The following GRM8 variants were observed in gnomAD, a reference collection of about 807,000 sequenced individuals.
The protein encoded by GRM8 is metabotropic glutamate receptor 8.
In GRM8, 47 loss-of-function variants were observed where a neutral mutation model predicts 87.2. The ratio of observed to expected loss-of-function variants is 0.54; its 90% confidence interval spans 0.43 to 0.69. GRM8 has a LOEUF of 0.69. Ranked by LOEUF, GRM8 falls within the 30% of genes least tolerant of loss-of-function variation. The pLI is 0.00. For missense variants in GRM8, 1,019 were observed against 1,139.2 expected, an observed-to-expected ratio of 0.89 and a Z score of 1.52; for synonymous variants, 396 against 404.5, an observed-to-expected ratio of 0.98 and a Z score of 0.25.
intron 10 of GRM8, among the ~76,000 whole-genome samples, chr7:126,439,784 G>T (rs906300750): frequency 1.3e-5 from 2 of 149,212 alleles, no homozygotes; most frequent in Non-Finnish European, 3.0e-5. Context: ...TATGGAGATG[G>T]AAGTGATATT....
chr7:126,781,658 T>C (rs1339111063), intron 6 of GRM8, among the ~76,000 whole-genome samples: 1 of 152,198 alleles, frequency 6.6e-6, no homozygotes, highest in Non-Finnish European at 1.5e-5. Flanking sequence ...CTGTAATTAA[T>C]AGAAATGCTT....
chr7:126,838,620 A>G (rs1796009082), intron 6 of GRM8, among the ~76,000 whole-genome samples: 1 of 152,218 alleles, frequency 6.6e-6, no homozygotes, highest in Non-Finnish European at 1.5e-5. Flanking sequence ...TATTAATGCT[A>G]AGAAGCACTG....
intron 6 of GRM8, among the ~76,000 whole-genome samples, chr7:126,803,701 C>T (rs1259513055): frequency 6.6e-6 from 1 of 152,150 alleles, no homozygotes; most frequent in Non-Finnish European, 1.5e-5. Flanking sequence ...TATCTCTAAG[C>T]AAGGGTGCTG....
At position 126,438,869 on chromosome 7, in the gene GRM8, T is replaced by C; in HGVS notation, c.*250A>G. On this transcript the variant is annotated 3_prime_UTR_variant, in exon 11 of 11. Coordinates refer to ENST00000339582, the MANE Select transcript of GRM8 (RefSeq NM_000845.3). ...CTAACATTAGTTTTCCTTTTGTGATTTGTTTTAACTGCTCATGAATAAGCA... is the reference window on the plus strand; with the variant it reads ...CTAACATTAGTTTTCCTTTTGTGATCTGTTTTAACTGCTCATGAATAAGCA... 2.7e-6 allele frequency: 1 copy of C among 372,132 alleles called. No homozygotes were observed. Among genetic ancestry groups the C allele is most frequent in the Non-Finnish European group, 4.8e-6 (1 of 206,366 alleles). The allele number at this position is 372,132 out of a possible 1,614,324, so 23.1% of individuals were successfully genotyped here. A position where few individuals can be genotyped will look rare whatever the true frequency, so the allele number is the denominator to read the frequency against.
chr7:127,095,559 G>T (rs1298553516), intron 3 of GRM8: 1 of 152,094 alleles, frequency 6.6e-6, no homozygotes, highest in African/African-American at 2.4e-5. Context: ...TACAAAGTTG[G>T]CATAATATTC....
intron 6 of GRM8, among the ~76,000 whole-genome samples, chr7:126,841,275 A>G (rs1187000626): frequency 6.6e-6 from 1 of 152,098 alleles, no homozygotes; most frequent in East Asian, 1.9e-4. Context: ...AGTCACTTGG[A>G]GGTATTCTGC....
intron 8 of GRM8, among the ~76,000 whole-genome samples, chr7:126,588,450 G>A (rs551904471): frequency 5.3e-5 from 8 of 152,240 alleles, no homozygotes; most frequent in African/African-American, 1.7e-4. Flanking sequence ...TCTCATTACT[G>A]GACATATGCC....
intron 3 of GRM8, among the ~76,000 whole-genome samples, chr7:127,042,112 A>G (rs954712533): frequency 4.6e-5 from 7 of 152,122 alleles, no homozygotes; most frequent in African/African-American, 1.7e-4. Flanking sequence ...CACAATTACC[A>G]TTCCTTCCCC....
chr7:127,107,095 C>T (rs897760876), intron 2 of GRM8, among the ~76,000 whole-genome samples: 1 of 152,164 alleles, frequency 6.6e-6, no homozygotes, highest in Non-Finnish European at 1.5e-5. Context: ...AAAAGGTCAC[C>T]TCTGAAACTG....
chr7:126,541,400 G>A (rs1445096254), intron 8 of GRM8, among the ~76,000 whole-genome samples: 1 of 152,234 alleles, frequency 6.6e-6, no homozygotes, highest in Admixed American at 6.5e-5. Flanking sequence ...GCAGTGGATG[G>A]AGTAGCAAGA....
intron 2 of GRM8, among the ~76,000 whole-genome samples, chr7:127,134,737 C>T (rs1178304438): frequency 1.3e-5 from 2 of 151,912 alleles, no homozygotes; most frequent in African/African-American, 4.8e-5. Flanking sequence ...TTCTTATATA[C>T]AAAAAAAGTT....
chr7:126,802,598 G>C (rs1041087371), intron 6 of GRM8, among the ~76,000 whole-genome samples: 2 of 152,198 alleles, frequency 1.3e-5, no homozygotes, highest in African/African-American at 4.8e-5. Flanking sequence ...ATTTTGATAA[G>C]TGGAATAAGT....
At chr7:126,679,750 C>T (rs951168165) in intron 7 of GRM8, among the ~76,000 whole-genome samples, 2 of 152,120 alleles carry the variant, frequency 1.3e-5, no homozygotes, top group Non-Finnish European at 2.9e-5. Context: ...ACTTAATAGG[C>T]TGGGTGTGGT....
intron 7 of GRM8, among the ~76,000 whole-genome samples, chr7:126,768,357 T>TAAAAAAAAAAAA (rs57868820): frequency 3.0e-4 from 16 of 53,522 alleles, no homozygotes; most frequent in South Asian, 1.2e-3. Flanking sequence ...TTTGATAATG[T>TAAAAAAAAAAAA]AAAAAAAAAA....
In GRM8 at chr7:127,183,000, C is replaced by A. The variant is rs949524499; in HGVS notation, c.510+59695G>T. Among the ~76,000 whole-genome samples the A allele has an allele frequency of 4.0e-5, 6 of 151,838 alleles. No individual in the cohort carries two copies. The East Asian group carries it at 1.2e-3, about 29-fold the overall frequency. ...AATCTCACAAATCACCACTAAAGAA[C>A]TTACTCATGTAACCAAATACCACCT... is the stretch of plus-strand genomic sequence containing the variant. On this transcript the variant is annotated intron_variant, in intron 2 of 10. Transcript: ENST00000339582.
intron 2 of GRM8, among the ~76,000 whole-genome samples, chr7:127,121,588 C>A (rs967360899): frequency 6.6e-6 from 1 of 152,052 alleles, no homozygotes; most frequent in African/African-American, 2.4e-5. Context: ...GAAAAAAAGT[C>A]GTTTAATTGA....
At chr7:126,680,789 C>T (rs949994146) in intron 7 of GRM8, among the ~76,000 whole-genome samples, 3 of 152,166 alleles carry the variant, frequency 2.0e-5, no homozygotes, top group African/African-American at 7.2e-5. Context: ...TTTTCTCCAG[C>T]TTTTATTGGT....
intron 6 of GRM8, among the ~76,000 whole-genome samples, chr7:126,793,685 G>T (rs1025615678): frequency 2.6e-5 from 4 of 152,164 alleles, no homozygotes; most frequent in African/African-American, 7.2e-5. Context: ...ATGCCACAAA[G>T]AATTTAGACA....
chr7:127,238,404 T>C (rs1312567354), intron 2 of GRM8, among the ~76,000 whole-genome samples: 2 of 152,036 alleles, frequency 1.3e-5, no homozygotes, highest in East Asian at 3.9e-4. Context: ...CTCTCAAATT[T>C]GTTTCCACTC....
Sources: gnomAD v4.1 joint callset for allele counts (sites outside exome capture counted in the v4.1 genomes callset) on GRCh38, gnomAD v4.1.1 for gene constraint, MANE v1.5 for transcripts, NCBI Gene and HGNC (gene_info 2026-07-23, HGNC 2026-07-21) for gene names.